RANBP17: variants seen among roughly 807,000 people sequenced by gnomAD.
The protein encoded by RANBP17 is RAN binding protein 17, also known as ran-binding protein 17.
Under a neutral mutation model 141.2 loss-of-function variants are expected in RANBP17, and 158 were observed. The ratio of observed to expected loss-of-function variants is 1.12; its 90% CI spans 0.98 to 1.28. RANBP17 has a LOEUF of 1.28. Ranked by LOEUF, RANBP17 falls within the 50% of genes most tolerant of loss-of-function variation. The pLI is 0.00. For synonymous variants in RANBP17, 430 were observed against 450.0 expected (o/e 0.96, Z 0.56); for missense variants, 1,438 against 1,290.7 (o/e 1.11, Z -1.75).
intron 4 of RANBP17, among the ~76,000 whole-genome samples, chr5:170,895,364 G>T (rs899799064): frequency 1.3e-5 from 2 of 152,138 alleles, no homozygotes; most frequent in Admixed American, 6.5e-5. Flanking sequence ...TCACACAAGG[G>T]TAGTTTGTTA....
In RANBP17 at chr5:171,137,225, G is replaced by A. The variant is rs72827557; in HGVS notation, c.1711-32905G>A. 1.5e-3 allele frequency among the ~76,000 whole-genome samples: 221 copies of A among 152,182 alleles called. 3 individuals are homozygous for A. The highest frequency in any genetic ancestry group is 2.4e-3 in the Non-Finnish European group (163 of 67,984). ...TTTCATTTCCAAAATGAGATGATGG[G>A]ACAAGTTGATGAGGTCTCTTACAAT... On this transcript the variant is annotated intron_variant, in intron 14 of 27. Transcript: ENST00000523189.
intron 9 of RANBP17, among the ~76,000 whole-genome samples, chr5:170,917,923 G>T (rs1267658382): frequency 1.3e-5 from 2 of 151,932 alleles, no homozygotes; most frequent in African/African-American, 4.8e-5. Context: ...TCTTTAATAG[G>T]TACTATTTTC....
intron 14 of RANBP17, among the ~76,000 whole-genome samples, chr5:171,022,628 T>TC (rs541769846): frequency 6.6e-6 from 1 of 152,180 alleles, no homozygotes; most frequent in Non-Finnish European, 1.5e-5. Context: ...TACCAAGCCT[T>TC]CCAGCCTCCC....
intron 14 of RANBP17, among the ~76,000 whole-genome samples, chr5:171,094,917 A>G (rs981753081): frequency 6.6e-5 from 10 of 152,118 alleles, no homozygotes; most frequent in African/African-American, 2.2e-4. Flanking sequence ...TCCCAATGCA[A>G]TAGTGTTAGG....
At chr5:171,087,948 A>C (rs1214062183) in intron 14 of RANBP17, among the ~76,000 whole-genome samples, 22 of 151,500 alleles carry the variant, frequency 1.5e-4, no homozygotes, top group African/African-American at 4.3e-4. Context: ...TTAATTGGAG[A>C]ATTTAGTCCA....
Position 171,180,131 on chromosome 5 carries a change from C to G in RANBP17, c.1866-3036C>G, listed in dbSNP as rs182300535. Among the ~76,000 whole-genome samples, 602 of 152,270 alleles carry G rather than the reference C, an allele frequency of 4.0e-3. 19 individuals carry two copies. Among genetic ancestry groups the G allele is most frequent in the Admixed American group, 0.037 (559 of 15,280 alleles). On this transcript the variant is annotated intron_variant, in intron 16 of 27. Coordinates refer to ENST00000523189, the MANE Select transcript of RANBP17 (RefSeq NM_022897.5). ...TGCCAGCCAGACTATAGAGTTTGCTCAATCCTGGATGTGATGCTGGCTCGT... is the reference window on the plus strand; with the variant it reads ...TGCCAGCCAGACTATAGAGTTTGCTGAATCCTGGATGTGATGCTGGCTCGT...
At chr5:170,910,674 T>G in intron 6 of RANBP17, 2 of 270,896 alleles carry the variant, frequency 7.4e-6, no homozygotes, top group South Asian at 1.2e-4. Context: ...TGTTTTTGGT[T>G]TGTGTGAGAA....
intron 14 of RANBP17, among the ~76,000 whole-genome samples, chr5:170,970,948 A>G (rs1340400118): frequency 6.6e-6 from 1 of 152,098 alleles, no homozygotes; most frequent in East Asian, 1.9e-4. Flanking sequence ...AGAGCCTGGC[A>G]TGTATGTATT....
intron 14 of RANBP17, among the ~76,000 whole-genome samples, chr5:170,976,421 C>A (rs534187715): frequency 6.6e-6 from 1 of 152,206 alleles, no homozygotes; most frequent in East Asian, 1.9e-4. Context: ...TCAAATTGAT[C>A]TACAGGTTTA....
chr5:170,939,005 CAA>C (rs960391777), intron 12 of RANBP17, among the ~76,000 whole-genome samples: 1 of 152,180 alleles, frequency 6.6e-6, no homozygotes, highest in East Asian at 1.9e-4. Context: ...ACCCCAAAGA[CAA>C]AATGTTAAAA....
At chr5:171,256,940 A>C (rs1435275239) in intron 24 of RANBP17, among the ~76,000 whole-genome samples, 1 of 152,152 alleles carries the variant, frequency 6.6e-6, no homozygotes, top group East Asian at 1.9e-4. Flanking sequence ...CAGCAAAAAA[A>C]CTCAAGACCA....
intron 12 of RANBP17, among the ~76,000 whole-genome samples, chr5:170,936,344 C>T (rs950708216): frequency 2.0e-5 from 3 of 152,186 alleles, no homozygotes; most frequent in Non-Finnish European, 4.4e-5. Context: ...GCAGAAATCA[C>T]CTGTCTTCTG....
intron 14 of RANBP17, among the ~76,000 whole-genome samples, chr5:171,010,354 C>G (rs192196022): frequency 1.3e-5 from 2 of 152,244 alleles, no homozygotes; most frequent in Non-Finnish European, 2.9e-5. Flanking sequence ...ACGATAAAAC[C>G]AAAGCCAAAC....
At chr5:171,139,836 T>C (rs1757572111) in intron 14 of RANBP17, among the ~76,000 whole-genome samples, 1 of 152,334 alleles carries the variant, frequency 6.6e-6, no homozygotes, top group African/African-American at 2.4e-5. Context: ...TCTGCCTGTT[T>C]AAATAACTTT....
intron 24 of RANBP17, among the ~76,000 whole-genome samples, chr5:171,260,201 T>C (rs1256709110): frequency 2.0e-5 from 3 of 149,118 alleles, no homozygotes. Context: ...TCGGGGAGGC[T>C]GAGGCAGGAG....
chr5:171,053,908 TA>T lies in RANBP17; in HGVS notation c.1710+85532del, dbSNP rs1561596530. Among the ~76,000 whole-genome samples the T allele has an allele frequency of 1.2e-3, 171 of 137,848 alleles. 5 individuals are homozygous for T. The highest frequency in any genetic ancestry group is 3.4e-3 in the African/African-American group (125 of 37,012). The allele number at this position is 137,848 out of a possible 152,430, so 90.4% of individuals were successfully genotyped here. ...ATATATATATATATATATATATATA[TA>T]TATATATATATATATAATTGCTGTA... is the stretch of plus-strand genomic sequence containing the variant. On this transcript the variant is annotated intron_variant, in intron 14 of 27. Transcript: ENST00000523189.
chr5:171,107,116 G>A (rs903262716), intron 14 of RANBP17, among the ~76,000 whole-genome samples: 5 of 152,180 alleles, frequency 3.3e-5, no homozygotes, highest in African/African-American at 7.2e-5. Context: ...GATAGACAAA[G>A]CAGGAATTAT....
intron 14 of RANBP17, among the ~76,000 whole-genome samples, chr5:170,984,992 TATACAC>T (rs1778029570): frequency 1.3e-5 from 2 of 151,432 alleles, no homozygotes; most frequent in South Asian, 2.1e-4. Flanking sequence ...GACACACACA[TATACAC>T]AGACACACAG....
intron 14 of RANBP17, among the ~76,000 whole-genome samples, chr5:171,062,007 G>T (rs113629906): frequency 6.6e-6 from 1 of 151,248 alleles, no homozygotes; most frequent in African/African-American, 2.4e-5. Flanking sequence ...TTTTCCATTT[G>T]CTTGGTAGAT....
Sources: gnomAD v4.1 joint callset for allele counts (sites outside exome capture counted in the v4.1 genomes callset) on GRCh38, gnomAD v4.1.1 for gene constraint, MANE v1.5 for transcripts, NCBI Gene and HGNC (gene_info 2026-07-23, HGNC 2026-07-21) for gene names.